Variants in TRA2B observed in about 807,000 individuals in gnomAD.
TRA2B encodes the protein transformer-2 protein homolog beta.
TRA2B carries 14 observed loss-of-function variants against 41.7 expected under a neutral mutation model. That is an observed-to-expected ratio of 0.34 (90% CI 0.22 to 0.53). TRA2B has a LOEUF of 0.53. TRA2B is among the 20% of genes least tolerant of loss of function. TRA2B has a pLI of 0.95. For synonymous variants in TRA2B, 130 were observed against 128.8 expected, an observed-to-expected ratio of 1.01 and a Z score of -0.06; for missense variants, 167 against 396.8, an observed-to-expected ratio of 0.42 and a Z score of 4.92.
At chr3:185,921,356 TAAACCTA>T (rs1426471417) in intron 5 of TRA2B, among the ~76,000 whole-genome samples, 169 bp from the exon 6 acceptor site, 1 of 152,236 alleles carries the variant, frequency 6.6e-6, no homozygotes, top group East Asian at 1.9e-4. Context: ...TCAATATATA[TAAACCTA>T]TTTTTAAAAA....
intron 4 of TRA2B, 21 bp from the exon 5 acceptor site, chr3:185,922,147 G>A (rs375228971): frequency 1.3e-6 from 2 of 1,575,672 alleles, no homozygotes; most frequent in Non-Finnish European, 1.7e-6. Context: ...TAAATAAATT[G>A]TTACATACAT....
chr3:185,925,837 G>T (rs1054615322), intron 2 of TRA2B, among the ~76,000 whole-genome samples: 1 of 152,160 alleles, frequency 6.6e-6, no homozygotes, highest in Admixed American at 6.5e-5. Context: ...CTCTCCTCCA[G>T]TATTTCTTCC....
chr3:185,936,926 T>C, intron 1 of TRA2B: 1 of 985,372 alleles, frequency 1.0e-6, no homozygotes, highest in Non-Finnish European at 1.2e-6. Flanking sequence ...AGGTGGAAAC[T>C]TAAGGGAAAG....
At chr3:185,936,311 A>G in intron 1 of TRA2B, 4 of 985,424 alleles carry the variant, frequency 4.1e-6, no homozygotes, top group Non-Finnish European at 4.8e-6. Flanking sequence ...CTTTTTAACA[A>G]CTTTTGAGCT....
intron 7 of TRA2B, 43 bp downstream of exon 7, chr3:185,919,394 G>T: frequency 6.5e-7 from 1 of 1,538,208 alleles, no homozygotes; most frequent in Non-Finnish European, 8.9e-7. Context: ...TTTATGTGAA[G>T]CTTTATACTG....
chr3:185,924,870 A>T (rs1743884392), intron 3 of TRA2B: 1 of 152,218 alleles, frequency 6.6e-6, no homozygotes, highest in South Asian at 2.1e-4. Flanking sequence ...AACATTCCAG[A>T]TGCTGTGATG....
chr3:185,927,997 G>A (rs917193602), intron 1 of TRA2B: 2 of 152,184 alleles, frequency 1.3e-5, no homozygotes, highest in Non-Finnish European at 2.9e-5. Context: ...GTCACTATAT[G>A]GCATGAATCA....
At chr3:185,937,716 G>C (rs1247556322) in intron 1 of TRA2B, 109 bp downstream of exon 1, 32 of 1,494,564 alleles carry the variant, frequency 2.1e-5, no homozygotes, top group Non-Finnish European at 3.0e-5. Flanking sequence ...CCCGGCTTCA[G>C]ACTTCGGAGC....
chr3:185,922,758 C>T (rs1743790324), intron 4 of TRA2B: 1 of 152,182 alleles, frequency 6.6e-6, no homozygotes, highest in Non-Finnish European at 1.5e-5. Flanking sequence ...TAACAGCATA[C>T]ATTTAAAAAA....
intron 1 of TRA2B, among the ~76,000 whole-genome samples, chr3:185,932,205 G>C (rs973865221): frequency 6.6e-6 from 1 of 152,090 alleles, no homozygotes; most frequent in Non-Finnish European, 1.5e-5. Context: ...CACACCTCTA[G>C]TCAAAAAGTG....
Position 185,929,103 on chromosome 3 carries a change from C to A in TRA2B, c.37-2369G>T, listed in dbSNP as rs774137883. 3.3e-5 allele frequency: 5 copies of A among 152,148 alleles called. 1 individual carries two copies. Among genetic ancestry groups the A allele is most frequent in the South Asian group, 4.1e-4 (2 of 4,828 alleles). The allele number at this position is 152,148 out of a possible 1,614,324, so 9.4% of individuals were successfully genotyped here. A position where few individuals can be genotyped will look rare whatever the true frequency, so the allele number is the denominator to read the frequency against. ...TCTTGGGCCAGGAATAAGGGAAATA[C>A]CAGAATGCAAAGGCTTCCTTTTCTA... On this transcript the variant is annotated intron_variant, in intron 1 of 8. Transcript: ENST00000453386.
intron 7 of TRA2B, among the ~76,000 whole-genome samples, chr3:185,918,697 T>C (rs1743598269): frequency 6.6e-6 from 1 of 152,150 alleles, no homozygotes; most frequent in Non-Finnish European, 1.5e-5. Flanking sequence ...GTGAACTATG[T>C]TAAGAGAGTT....
intron 1 of TRA2B, 65 bp downstream of exon 1, chr3:185,937,760 C>A: frequency 6.2e-7 from 1 of 1,607,242 alleles, no homozygotes. Context: ...CCGAGGCCGA[C>A]GGGCCTAGAA....
intron 6 of TRA2B, 117 bp downstream of exon 6, chr3:185,920,987 A>G (rs2150112389): frequency 1.4e-6 from 1 of 722,024 alleles, no homozygotes. Context: ...TCTACTCTGC[A>G]TTTCTCGAGT....
chr3:185,921,183 T>C lies in TRA2B; in HGVS notation c.643A>G (p.Ser215Gly), dbSNP rs1466087743. The change falls in exon 6 of 9, where the codon AGC becomes GGC. Residue 215 changes from serine to glycine, a missense_variant. By Grantham distance (56) the Ser-to-Gly change is moderately conservative. This residue lies in a region of TRA2B where 23 missense variants were observed against 39.7 expected (regional missense o/e 0.58). Transcript: ENST00000453386. ...GIYMGRPTYG[S>G]SRRRDYYDRG... ...TCATAGTAATCCCGACGGCGAGAGCTGCCACTATGAAGAAAAAAATATTCA... is the reference window on the plus strand; with the variant it reads ...TCATAGTAATCCCGACGGCGAGAGCCGCCACTATGAAGAAAAAAATATTCA... 1 of 1,614,084 alleles carries C rather than the reference T, an allele frequency of 6.2e-7. No homozygotes were observed.
At position 185,936,265 on chromosome 3, in the gene TRA2B, A is replaced by G. The variant is rs115943205; in HGVS notation, c.36+1560T>C. 2.7e-5 allele frequency: 27 copies of G among 985,416 alleles called. No individual in the cohort carries two copies. In the Admixed American group the frequency reaches 3.7e-4, roughly 13 times the overall value. The allele number at this position is 985,416 out of a possible 1,614,324, so 61.0% of individuals were successfully genotyped here. ...TGCAGTCCAAACACCAATGACTGTT[A>G]TAACAGATTCAACTGCCAATGATCA... On this transcript the variant is annotated intron_variant, in intron 1 of 8. Coordinates refer to ENST00000453386, the MANE Select transcript of TRA2B (RefSeq NM_004593.3).
intron 2 of TRA2B, among the ~76,000 whole-genome samples, chr3:185,926,241 A>G (rs1470979905): frequency 6.6e-6 from 1 of 151,920 alleles, no homozygotes; most frequent in Non-Finnish European, 1.5e-5. Flanking sequence ...CAAGAATTCT[A>G]ATTACTGAAA....
chr3:185,927,398 CG>C (rs1194142142), intron 1 of TRA2B: 1 of 152,048 alleles, frequency 6.6e-6, no homozygotes, highest in Non-Finnish European at 1.5e-5. Flanking sequence ...AACAGAACAG[CG>C]AACTACACAC....
At chr3:185,920,119 A>T (rs535830966) in intron 6 of TRA2B, among the ~76,000 whole-genome samples, 2 of 152,148 alleles carry the variant, frequency 1.3e-5, no homozygotes, top group Non-Finnish European at 2.9e-5. Flanking sequence ...ACCCCGAAAT[A>T]CCAAATTTTT....
Sources: gnomAD v4.1 joint callset for allele counts (sites outside exome capture counted in the v4.1 genomes callset) on GRCh38, gnomAD v4.1.1 for gene constraint, gnomAD v4.1.1 regional missense constraint, MANE v1.5 for transcripts, NCBI Gene and HGNC (gene_info 2026-07-23, HGNC 2026-07-21) for gene names.